Variants in RBM33 observed in about 807,000 individuals in gnomAD.
RBM33 encodes the protein RNA binding motif protein 33.
RBM33 carries 28 observed loss-of-function variants against 132.6 expected under a neutral mutation model. That is an observed-to-expected ratio of 0.21 (90% CI 0.16 to 0.29). The LOEUF is 0.29. Among genes scored for constraint, RBM33 ranks in the 10% least tolerant of loss-of-function variants. The probability of loss-of-function intolerance (pLI) is 1.00; values close to 1 mark genes in which losing one functional copy is unlikely to be tolerated. For missense variants in RBM33, 1,291 were observed against 1,518.5 expected (o/e 0.85, Z 2.49); for synonymous variants, 634 against 593.0 (o/e 1.07, Z -1.01).
At chr7:155,693,332 CT>C (rs11417256) in intron 5 of RBM33, among the ~76,000 whole-genome samples, 24 of 146,734 alleles carry the variant, frequency 1.6e-4, no homozygotes, top group African/African-American at 2.5e-4. Flanking sequence ...ATTTTTTTTT[CT>C]TTTTTTTTTT....
At position 155,776,400 on chromosome 7, in the gene RBM33, G is replaced by A. The variant is rs986638149; in HGVS notation, c.*1359G>A. Reference sequence around the variant, plus strand: ...TCTTACTGCCCCTGGAGGGAGCATGGCGCTAGGGCTCTCAGCCTCCTAGAA... The same window carrying A: ...TCTTACTGCCCCTGGAGGGAGCATGACGCTAGGGCTCTCAGCCTCCTAGAA... On this transcript the variant is annotated 3_prime_UTR_variant, in exon 18 of 18. Transcript: ENST00000401878. This position sits in a 1 kb window ranked among gnomAD's most constrained non-coding sequence, Gnocchi z 4.0. 5.9e-5 allele frequency: 9 copies of A among 152,234 alleles called. No homozygotes were observed. The highest frequency in any genetic ancestry group is 1.9e-4 in the African/African-American group (8 of 41,448). The allele number at this position is 152,234 out of a possible 1,614,324, so 9.4% of individuals were successfully genotyped here.
chr7:155,694,767 A>G (rs1291476570), intron 5 of RBM33, among the ~76,000 whole-genome samples: 1 of 152,144 alleles, frequency 6.6e-6, no homozygotes, highest in East Asian at 1.9e-4. Context: ...AATTTATTCC[A>G]TTTTATGGAT....
intron 6 of RBM33, among the ~76,000 whole-genome samples, chr7:155,705,420 A>G (rs555669028): frequency 2.3e-4 from 35 of 152,352 alleles, no homozygotes; most frequent in Middle Eastern, 6.8e-3. Flanking sequence ...ATAAAAGTCT[A>G]TGCTGGTTAA....
At chr7:155,770,491 T>G (rs1802388495) in intron 16 of RBM33, among the ~76,000 whole-genome samples, 1 of 152,158 alleles carries the variant, frequency 6.6e-6, no homozygotes, top group Non-Finnish European at 1.5e-5. Flanking sequence ...CGCTCTAGTG[T>G]CAGACTCTGC....
intron 12 of RBM33, among the ~76,000 whole-genome samples, chr7:155,740,228 T>C (rs1186365661): frequency 2.0e-5 from 3 of 152,360 alleles, no homozygotes; most frequent in African/African-American, 7.2e-5. Context: ...ATTGATAAGA[T>C]ACTCCTTTTG....
chr7:155,659,937 A>G (rs1367243497), intron 1 of RBM33, among the ~76,000 whole-genome samples: 2 of 152,140 alleles, frequency 1.3e-5, no homozygotes, highest in Non-Finnish European at 2.9e-5. Context: ...TTGGCTTCAC[A>G]TGACCTTTCT....
chr7:155,760,757 G>A (rs1394652382), intron 14 of RBM33, among the ~76,000 whole-genome samples: 1 of 152,172 alleles, frequency 6.6e-6, no homozygotes, highest in Non-Finnish European at 1.5e-5. Flanking sequence ...TTAAGATACA[G>A]ACTGAAAAAT....
At chr7:155,710,549 T>C (rs1209411474) in intron 7 of RBM33, among the ~76,000 whole-genome samples, 1 of 152,222 alleles carries the variant, frequency 6.6e-6, no homozygotes. Context: ...TCTTACCTTC[T>C]TTCCTGCCTT....
intron 5 of RBM33, among the ~76,000 whole-genome samples, chr7:155,697,924 T>A (rs965186157): frequency 5.9e-5 from 9 of 152,230 alleles, no homozygotes; most frequent in African/African-American, 9.6e-5. Context: ...ACTATTTTTG[T>A]CAATGTCTAT....
Position 155,750,991 on chromosome 7 carries a change from T to C in RBM33, c.2979+5389T>C, listed in dbSNP as rs566331434. On this transcript the variant is annotated intron_variant, in intron 14 of 17. Transcript: ENST00000401878. ...CTGTCAAAATGCTGCATGCCGAAGGTCCCAGTTTATTTGTGGGATCATGCA... is the reference window on the plus strand; with the variant it reads ...CTGTCAAAATGCTGCATGCCGAAGGCCCCAGTTTATTTGTGGGATCATGCA... Among the ~76,000 whole-genome samples, 48 of 152,270 alleles carry C rather than the reference T, an allele frequency of 3.2e-4. 2 individuals carry two copies. The highest frequency in any genetic ancestry group is 3.1e-3 in the Admixed American group (47 of 15,296).
At chr7:155,648,511 A>G (rs901228526) in intron 1 of RBM33, among the ~76,000 whole-genome samples, 2 of 152,218 alleles carry the variant, frequency 1.3e-5, no homozygotes, top group Non-Finnish European at 2.9e-5. Flanking sequence ...AACAAGTTTT[A>G]GTACTTCAAC....
intron 5 of RBM33, among the ~76,000 whole-genome samples, chr7:155,689,236 C>T (rs1435501513): frequency 1.3e-5 from 2 of 152,214 alleles, no homozygotes; most frequent in African/African-American, 2.4e-5. Context: ...TCCATTTCTT[C>T]TAGATTTTCT....
chr7:155,673,801 C>CACACACA (rs1799077085), intron 3 of RBM33, among the ~76,000 whole-genome samples: 2 of 142,394 alleles, frequency 1.4e-5, no homozygotes, highest in Non-Finnish European at 3.1e-5. Context: ...CACACACACA[C>CACACACA]CCCTACCAGT....
At chr7:155,688,106 G>A (rs937674881) in intron 5 of RBM33, among the ~76,000 whole-genome samples, 1 of 152,164 alleles carries the variant, frequency 6.6e-6, no homozygotes, top group African/African-American at 2.4e-5. Flanking sequence ...TCCTATCCAT[G>A]AGCATGGAAT....
At chr7:155,770,143 G>A (rs1488222599) in intron 16 of RBM33, among the ~76,000 whole-genome samples, 1 of 152,220 alleles carries the variant, frequency 6.6e-6, no homozygotes, top group South Asian at 2.1e-4. Flanking sequence ...GAGCCCAAAC[G>A]TTGAAATTCA....
chr7:155,711,296 C>T lies in RBM33; in HGVS notation c.1042C>T (p.Gln348Ter). ...GCCGCTGCAGCCGCTGCTTCCGGTGCAGCACCCGCACCACCCATCCCCGCC... is the reference window on the plus strand; with the variant it reads ...GCCGCTGCAGCCGCTGCTTCCGGTGTAGCACCCGCACCACCCATCCCCGCC... ...PQPLQPLLPV[Q>*]HPHHPSPPQG... is the part of the protein sequence containing the mutation. The change falls in exon 8 of 18, where the codon CAG becomes TAG. Residue 348 changes from glutamine to a stop codon, truncating the protein, a stop_gained. Transcript: ENST00000401878. LOFTEE classifies it high-confidence loss of function. The T allele has an allele frequency of 6.2e-7, 1 of 1,606,888 alleles. No individual in the cohort carries two copies.
chr7:155,740,222 A>G (rs989965792), intron 12 of RBM33, among the ~76,000 whole-genome samples, 196 bp downstream of exon 12: 2 of 152,230 alleles, frequency 1.3e-5, no homozygotes, highest in Non-Finnish European at 2.9e-5. Flanking sequence ...ACAAGAATTG[A>G]TAAGATACTC....
chr7:155,649,388 A>G (rs895040015), intron 1 of RBM33, among the ~76,000 whole-genome samples: 3 of 152,232 alleles, frequency 2.0e-5, no homozygotes, highest in Admixed American at 6.5e-5. Context: ...GGCACATAGC[A>G]TGTGTTAGAT....
intron 9 of RBM33, among the ~76,000 whole-genome samples, chr7:155,721,533 TA>T (rs200393932): frequency 7.9e-5 from 12 of 151,962 alleles, no homozygotes; most frequent in Admixed American, 3.3e-4. Context: ...CTAAAAGAGT[TA>T]AAAAAAAGGC....
Sources: gnomAD v4.1 joint callset for allele counts (sites outside exome capture counted in the v4.1 genomes callset) on GRCh38, gnomAD v4.1.1 for gene constraint, Gnocchi (gnomAD v3.1) non-coding constraint, MANE v1.5 for transcripts, NCBI Gene and HGNC (gene_info 2026-07-23, HGNC 2026-07-21) for gene names.